C2CD5: variants seen among roughly 807,000 people sequenced by gnomAD.
C2CD5 encodes the protein C2 domain-containing protein 5.
C2CD5 carries 109 observed loss-of-function variants against 130.3 expected under a neutral mutation model. The observed-to-expected ratio is 0.84, with a 90% CI of 0.72 to 0.98. The LOEUF is 0.98. C2CD5 is among the 50% of genes least tolerant of loss of function. The probability of loss-of-function intolerance (pLI) is 0.00; values close to 1 mark genes in which losing one functional copy is unlikely to be tolerated. For synonymous variants in C2CD5, 454 were observed against 429.2 expected, an observed-to-expected ratio of 1.06 and a Z score of -0.71; for missense variants, 996 against 1,261.8, an observed-to-expected ratio of 0.79 and a Z score of 3.19.
At chr12:22,516,465 T>C (rs1949733169) in intron 8 of C2CD5, among the ~76,000 whole-genome samples, 1 of 151,534 alleles carries the variant, frequency 6.6e-6, no homozygotes, top group Non-Finnish European at 1.5e-5. Context: ...TAAATTTTTT[T>C]AAACTAAAAA....
intron 10 of C2CD5, among the ~76,000 whole-genome samples, chr12:22,505,964 T>G (rs1948477746): frequency 6.6e-6 from 1 of 152,064 alleles, no homozygotes; most frequent in South Asian, 2.1e-4. Flanking sequence ...CCCAGCACAG[T>G]GCTGGGATCT....
At chr12:22,461,885 T>C (rs1941230812) in intron 22 of C2CD5, among the ~76,000 whole-genome samples, 1 of 152,146 alleles carries the variant, frequency 6.6e-6, no homozygotes, top group Admixed American at 6.5e-5. Flanking sequence ...ACATGCTTGC[T>C]ATCTTAATTT....
At chr12:22,526,576 A>G (rs902461141) in intron 4 of C2CD5, among the ~76,000 whole-genome samples, 1 of 152,202 alleles carries the variant, frequency 6.6e-6, no homozygotes, top group Non-Finnish European at 1.5e-5. Flanking sequence ...AAGCAAGCTA[A>G]CTAAAAAATT....
intron 22 of C2CD5, chr12:22,463,547 A>G (rs1941563785): frequency 6.6e-6 from 1 of 152,240 alleles, no homozygotes; most frequent in Non-Finnish European, 1.5e-5. Flanking sequence ...GGCCCCTGCC[A>G]GATGCTGGTT....
At position 22,513,370 on chromosome 12, in the gene C2CD5, C is replaced by T; in HGVS notation, c.962G>A (p.Ser321Asn). Reference sequence around the variant, plus strand: ...CCCCCCTTCTTTTCCAGCACTACCACTTCCCATTCCTACAGAACATCAGTA... The same window carrying T: ...CCCCCCTTCTTTTCCAGCACTACCATTTCCCATTCCTACAGAACATCAGTA... ...LSLTPKTGMG[S>N]GSAGKEGGPF... The change falls in exon 9 of 27, where the codon AGT becomes AAT. Residue 321 changes from serine (S) to asparagine (N), a missense_variant. Coordinates refer to ENST00000446597, the MANE Select transcript of C2CD5 (RefSeq NM_001286176.2). The T allele has an allele frequency of 6.2e-7, 1 of 1,607,364 alleles. No individual in the cohort carries two copies. Among genetic ancestry groups the T allele is most frequent in the Non-Finnish European group, 8.5e-7 (1 of 1,174,058 alleles).
intron 11 of C2CD5, among the ~76,000 whole-genome samples, chr12:22,492,549 C>CTAGGATGAACAT (rs1347548156): frequency 1.3e-5 from 2 of 152,078 alleles, no homozygotes; most frequent in East Asian, 3.9e-4. Context: ...ATGCCAGCTG[C>CTAGGATGAACAT]TAGGATGAAC....
chr12:22,470,823 C>T lies in C2CD5; in HGVS notation c.2446+1G>A. 2 of 1,589,490 alleles carry T rather than the reference C, an allele frequency of 1.3e-6. No individual in the cohort carries two copies. Among genetic ancestry groups the T allele is most frequent in the African/African-American group, 1.3e-5 (1 of 74,460 alleles). ...GAACTTCCTATTCAGTAAAGATTTA[C>T]CTCTTTGCAATGACTTTTCAACAGG... On this transcript the variant is annotated splice_donor_variant, in intron 21 of 26. Transcript: ENST00000446597. LOFTEE classifies it high-confidence loss of function.
At chr12:22,469,103 T>C (rs1404455615) in intron 22 of C2CD5, among the ~76,000 whole-genome samples, 2 of 152,110 alleles carry the variant, frequency 1.3e-5, no homozygotes, top group Non-Finnish European at 2.9e-5. Flanking sequence ...TACCTCCCAC[T>C]TTTCCCCAAA....
In C2CD5 at chr12:22,543,870, C is replaced by T. The variant is rs559143924; in HGVS notation, c.90+191G>A. On this transcript the variant is annotated intron_variant, in intron 2 of 26. Coordinates refer to ENST00000446597, the MANE Select transcript of C2CD5 (RefSeq NM_001286176.2). Reference sequence around the variant, plus strand: ...CCCGCGCAGCGGACTGTGCCGCGGACGCCTGCAAGCCGTGCACCCATCGCA... The same window carrying T: ...CCCGCGCAGCGGACTGTGCCGCGGATGCCTGCAAGCCGTGCACCCATCGCA... 5.9e-5 allele frequency among the ~76,000 whole-genome samples: 9 copies of T among 152,204 alleles called. No homozygotes were observed. The East Asian group carries it at 1.7e-3, about 29-fold the overall frequency.
intron 12 of C2CD5, among the ~76,000 whole-genome samples, chr12:22,485,505 T>C (rs1461064308): frequency 6.6e-6 from 1 of 152,034 alleles, no homozygotes; most frequent in Non-Finnish European, 1.5e-5. Context: ...AGTGTAATAA[T>C]TTTTTAATTT....
At chr12:22,538,106 C>T (rs1366619555) in intron 2 of C2CD5, among the ~76,000 whole-genome samples, 2 of 152,182 alleles carry the variant, frequency 1.3e-5, no homozygotes, top group Non-Finnish European at 2.9e-5. Context: ...AAACTGTAAA[C>T]ATTTTAAGAT....
chr12:22,498,390 TA>T (rs576015045), intron 10 of C2CD5, among the ~76,000 whole-genome samples: 5 of 151,722 alleles, frequency 3.3e-5, no homozygotes, highest in Admixed American at 3.3e-4. Context: ...AAACTTAAAC[TA>T]AAAAAAACAA....
At chr12:22,541,321 A>C (rs1256194669) in intron 2 of C2CD5, among the ~76,000 whole-genome samples, 1 of 152,176 alleles carries the variant, frequency 6.6e-6, no homozygotes, top group Non-Finnish European at 1.5e-5. Flanking sequence ...ATTACCTGTT[A>C]TTTGAACTAT....
Position 22,470,911 on chromosome 12 carries a change from C to T in C2CD5, c.2359G>A (p.Val787Ile). 1 of 1,604,306 alleles carries T rather than the reference C, an allele frequency of 6.2e-7. No individual in the cohort carries two copies. The highest frequency in any genetic ancestry group is 8.5e-7 in the Non-Finnish European group (1 of 1,172,966). The part of the protein sequence containing the change: ...VSLPEDELIQ[V>I]TVTAVAITFD... ...GTGATTGCGACTGCCGTGACTGTAA[C>T]CTAGAATTATAAAAACAATAATGGT... is the stretch of plus-strand genomic sequence containing the variant. The change falls in exon 21 of 27, where the codon GTT becomes ATT. Residue 787 changes from valine to isoleucine, a missense_variant and splice_region_variant. Physicochemically the swap from Val to Ile is conservative, Grantham distance 29. Transcript: ENST00000446597.
chr12:22,487,022 A>T (rs1184591486), intron 12 of C2CD5, among the ~76,000 whole-genome samples: 2 of 152,162 alleles, frequency 1.3e-5, no homozygotes, highest in Non-Finnish European at 2.9e-5. Flanking sequence ...CTGAAATTGG[A>T]TCCCTTCCTT....
intron 7 of C2CD5, chr12:22,519,089 G>C (rs1333757495): frequency 2.2e-5 from 34 of 1,528,914 alleles, no homozygotes; most frequent in Non-Finnish European, 2.6e-5. Flanking sequence ...CATCTCCCCA[G>C]CTCTGGAGTC....
chr12:22,510,868 T>C (rs535433549), intron 9 of C2CD5, among the ~76,000 whole-genome samples: 1 of 152,264 alleles, frequency 6.6e-6, no homozygotes, highest in African/African-American at 2.4e-5. Flanking sequence ...CAGTGGCTCA[T>C]GCCTCTAACC....
At position 22,544,500 on chromosome 12, in the gene C2CD5, C is replaced by G. The variant is rs1952762217; in HGVS notation, c.-210G>C. 1 of 188,926 alleles carries G rather than the reference C, an allele frequency of 5.3e-6. No homozygotes were observed. The highest frequency in any genetic ancestry group is 1.4e-4 in the East Asian group (1 of 6,904). The allele number at this position is 188,926 out of a possible 1,614,324, so 11.7% of individuals were successfully genotyped here. The stretch of plus-strand genomic sequence containing the variant: ...CCCTGCTTGTCTCTCCTCCCCCGCT[C>G]TCAAAAATGGCGGCTCTCGGGGCGC... On this transcript the variant is annotated 5_prime_UTR_variant, in exon 1 of 27. Coordinates refer to ENST00000446597, the MANE Select transcript of C2CD5 (RefSeq NM_001286176.2).
chr12:22,500,054 C>T (rs890485578), intron 10 of C2CD5, among the ~76,000 whole-genome samples: 1 of 151,914 alleles, frequency 6.6e-6, no homozygotes, highest in Non-Finnish European at 1.5e-5. Flanking sequence ...CATGGTGGCA[C>T]GTGCCTGTAA....
Sources: gnomAD v4.1 joint callset for allele counts (sites outside exome capture counted in the v4.1 genomes callset) on GRCh38, gnomAD v4.1.1 for gene constraint, MANE v1.5 for transcripts, NCBI Gene and HGNC (gene_info 2026-07-23, HGNC 2026-07-21) for gene names.